The following VMA12 variants were observed in gnomAD, a reference collection of about 807,000 sequenced individuals.
The protein encoded by VMA12 is vacuolar ATPase assembly factor VMA12.
the VMA12 span, chr17:28,361,033 C>T: frequency 9.9e-7 from 1 of 1,006,616 alleles, no homozygotes; most frequent in Non-Finnish European, 1.5e-6. Context: ...AAGCCACATT[C>T]TCTTTTCTTC....
chr17:28,359,836 C>T, the VMA12 span, among the ~76,000 whole-genome samples: 1 of 152,008 alleles, frequency 6.6e-6, no homozygotes, highest in South Asian at 2.1e-4. Context: ...ACCCAGGAGG[C>T]GGAGGCAGAG....
At chr17:28,360,288 T>C in the VMA12 span, 1 of 452,660 alleles carries the variant, frequency 2.2e-6, no homozygotes, top group South Asian at 2.3e-5. Context: ...CAGGGCTCCC[T>C]ACTACTCTAT....
chr17:28,360,337 C>T, the VMA12 span: 3 of 559,190 alleles, frequency 5.4e-6, no homozygotes, highest in Non-Finnish European at 6.4e-6. Flanking sequence ...TAGATGGGTA[C>T]TGGCAGCCTA....
chr17:28,361,994 G>C, the VMA12 span: 1 of 152,246 alleles, frequency 6.6e-6, no homozygotes, highest in Non-Finnish European at 1.5e-5. Flanking sequence ...TGTGATGATA[G>C]AGTCTGTATA....
the VMA12 span, chr17:28,361,221 G>A: frequency 1.0e-4 from 164 of 1,614,108 alleles, 1 homozygote; most frequent in South Asian, 1.4e-3. Flanking sequence ...GTCATGGTGC[G>A]GGCAATGGAA....
chr17:28,361,627 C>A, the VMA12 span: 11 of 210,602 alleles, frequency 5.2e-5, no homozygotes, highest in Admixed American at 4.2e-4. Flanking sequence ...TGAACTTGTC[C>A]ATATGTACAA....
the VMA12 span, chr17:28,358,561 C>T: frequency 2.1e-6 from 1 of 484,220 alleles, no homozygotes; most frequent in Non-Finnish European, 4.2e-6. Flanking sequence ...AAGAGATTGC[C>T]TAGTATTAGT....
At chr17:28,359,036 C>A in the VMA12 span, 1 of 1,503,772 alleles carries the variant, frequency 6.6e-7, no homozygotes, top group Middle Eastern at 1.7e-4. Context: ...CTGAGTTGGG[C>A]TTATCCATGA....
chr17:28,358,267 T>G, the VMA12 span: 1 of 400,374 alleles, frequency 2.5e-6, no homozygotes, highest in Middle Eastern at 3.6e-4. Flanking sequence ...AAAGCAAGAG[T>G]GGTGAAATCT....
At chr17:28,359,263 C>A in the VMA12 span, 1 of 1,590,460 alleles carries the variant, frequency 6.3e-7, no homozygotes, top group Non-Finnish European at 8.6e-7. Flanking sequence ...TTGTGATGTG[C>A]TTTCTAACAA....
At chr17:28,361,030 A>G in the VMA12 span, 7 of 989,952 alleles carry the variant, frequency 7.1e-6, no homozygotes, top group South Asian at 4.4e-5. Flanking sequence ...GAGAAGCCAC[A>G]TTCTCTTTTC....
At chr17:28,360,749 G>T in the VMA12 span, 1 of 1,614,038 alleles carries the variant, frequency 6.2e-7, no homozygotes, top group Non-Finnish European at 8.5e-7. Context: ...ATCATTGAAG[G>T]CTCTGGTCAT....
the VMA12 span, chr17:28,361,950 G>A: frequency 3.3e-5 from 5 of 152,282 alleles, no homozygotes; most frequent in African/African-American, 9.7e-5. Flanking sequence ...CTGAAGTCTT[G>A]TAATGTTTAA....
At chr17:28,359,273 A>G in the VMA12 span, 1 of 1,604,356 alleles carries the variant, frequency 6.2e-7, no homozygotes, top group Non-Finnish European at 8.5e-7. Flanking sequence ...CTTTCTAACA[A>G]GCTGGGAATA....
the VMA12 span, chr17:28,360,424 G>A: frequency 9.7e-7 from 1 of 1,033,904 alleles, no homozygotes; most frequent in Non-Finnish European, 1.5e-6. Flanking sequence ...TCCATGGGGA[G>A]GGCAGAGTTA....
chr17:28,360,736 G>C, the VMA12 span: 1 of 1,614,054 alleles, frequency 6.2e-7, no homozygotes, highest in South Asian at 1.1e-5. Flanking sequence ...TCCCCAAAGT[G>C]AGATCATTGA....
chr17:28,357,909 C>T, the VMA12 span: 1 of 1,611,786 alleles, frequency 6.2e-7, no homozygotes, highest in Non-Finnish European at 8.5e-7. Context: ...GTCCGGGGTC[C>T]CCTCCTTGTG....
At chr17:28,359,563 A>G in the VMA12 span, 1 of 591,164 alleles carries the variant, frequency 1.7e-6, no homozygotes, top group Non-Finnish European at 2.8e-6. Context: ...TTCCCATCTC[A>G]TTCACTGAGA....
the VMA12 span, chr17:28,360,276 G>C: frequency 2.6e-6 from 1 of 386,998 alleles, no homozygotes; most frequent in East Asian, 4.8e-5. Context: ...CATTTCTTCT[G>C]ACAGGGCTCC....
Sources: allele counts gnomAD v4.1 joint callset (sites outside exome capture counted in the v4.1 genomes callset), GRCh38; gene constraint gnomAD v4.1.1; transcripts MANE v1.5; gene names NCBI Gene and HGNC (gene_info 2026-07-23, HGNC 2026-07-21).